The following PARP8 variants were observed in gnomAD, a reference collection of about 807,000 sequenced individuals.
PARP8 encodes poly(ADP-ribose) polymerase family member 8.
Under a neutral mutation model 124.1 loss-of-function variants are expected in PARP8, and 51 were observed. That is an observed-to-expected ratio of 0.41 (90% CI 0.33 to 0.52). The LOEUF (loss-of-function observed/expected upper bound fraction) is 0.52. Ranked by LOEUF, PARP8 falls within the 20% of genes least tolerant of loss-of-function variation. The probability of loss-of-function intolerance (pLI) is 0.21; values close to 1 mark genes in which losing one functional copy is unlikely to be tolerated. For synonymous variants in PARP8, 391 were observed against 361.5 expected, an observed-to-expected ratio of 1.08 and a Z score of -0.93; for missense variants, 860 against 1,018.9, an observed-to-expected ratio of 0.84 and a Z score of 2.12.
In PARP8 at chr5:50,770,505, GC is replaced by G. The variant is rs377743477; in HGVS notation, c.518+7264del. Among the ~76,000 whole-genome samples the G allele has an allele frequency of 3.2e-3, 490 of 151,726 alleles. 1 individual carries two copies. The highest frequency in any genetic ancestry group is 5.1e-3 in the Non-Finnish European group (349 of 67,932). The stretch of plus-strand genomic sequence containing the variant: ...AGATCTGTGAACTACAAATGGTTTT[GC>G]TTTTTAAAAGGGTTGGAGAAAGAAA... On this transcript the variant is annotated intron_variant, in intron 7 of 25. Transcript: ENST00000281631.
intron 2 of PARP8, among the ~76,000 whole-genome samples, chr5:50,739,682 C>T (rs1315268108): frequency 7.0e-6 from 1 of 142,670 alleles, no homozygotes; most frequent in African/African-American, 2.6e-5. Flanking sequence ...GAAGGTTATT[C>T]AGACTTGGAA....
chr5:50,798,587 A>AT (rs1159527422), intron 14 of PARP8, among the ~76,000 whole-genome samples: 2 of 151,544 alleles, frequency 1.3e-5, no homozygotes, highest in African/African-American at 2.4e-5. Context: ...CGCCCGGCTG[A>AT]TTTTTTGTAT....
intron 6 of PARP8, among the ~76,000 whole-genome samples, chr5:50,762,616 G>A (rs570221158): frequency 1.4e-4 from 22 of 152,216 alleles, no homozygotes; most frequent in South Asian, 4.1e-4. Flanking sequence ...AAGAATGCAA[G>A]TAAATTTATT....
Position 50,741,331 on chromosome 5 carries a change from A to G in PARP8, c.147-8820A>G, listed in dbSNP as rs1160631483. 2.0e-5 allele frequency among the ~76,000 whole-genome samples: 3 copies of G among 152,182 alleles called. No individual in the cohort carries two copies. In the East Asian group the frequency reaches 5.8e-4, roughly 29 times the overall value. On this transcript the variant is annotated intron_variant, in intron 2 of 25. Coordinates refer to ENST00000281631, the MANE Select transcript of PARP8 (RefSeq NM_024615.4). ...TATTGTTGTCCTTTTATTTGTAGTC[A>G]TGAGTAAAGAAAAAGAGAGAAGCAC...
intron 7 of PARP8, among the ~76,000 whole-genome samples, chr5:50,774,981 C>T (rs1580298725): frequency 6.6e-6 from 1 of 150,470 alleles, no homozygotes; most frequent in African/African-American, 2.5e-5. Context: ...CAGAGGCGCT[C>T]TTCACATCCC....
At chr5:50,793,687 T>C (rs1289844966) in intron 10 of PARP8, among the ~76,000 whole-genome samples, 1 of 152,204 alleles carries the variant, frequency 6.6e-6, no homozygotes, top group Non-Finnish European at 1.5e-5. Flanking sequence ...GTTTTCTTTT[T>C]ATGTATGATT....
At chr5:50,718,405 C>T (rs1026604432) in intron 2 of PARP8, among the ~76,000 whole-genome samples, 9 of 151,606 alleles carry the variant, frequency 5.9e-5, no homozygotes, top group African/African-American at 2.2e-4. Flanking sequence ...CTTTTAAAAC[C>T]ATGGAGAAAG....
intron 2 of PARP8, among the ~76,000 whole-genome samples, chr5:50,676,589 C>G (rs1262473069): frequency 6.6e-6 from 1 of 152,196 alleles, no homozygotes; most frequent in East Asian, 1.9e-4. Context: ...TCATTATGTC[C>G]TCTTAAATTC....
At chr5:50,778,710 A>G (rs1283189388) in intron 9 of PARP8, 60 bp downstream of exon 9, 38 of 1,065,586 alleles carry the variant, frequency 3.6e-5, no homozygotes, top group Non-Finnish European at 4.5e-5. Context: ...CTATGCCTTA[A>G]GCAAAATGCG....
chr5:50,824,744 A>G (rs989467351), intron 17 of PARP8, among the ~76,000 whole-genome samples, 164 bp from the exon 18 acceptor site: 3 of 152,106 alleles, frequency 2.0e-5, no homozygotes, highest in Admixed American at 6.6e-5. Flanking sequence ...AATTCCCATC[A>G]TCTTGGGAGA....
chr5:50,707,458 C>CT (rs1171688819), intron 2 of PARP8, among the ~76,000 whole-genome samples: 1 of 151,964 alleles, frequency 6.6e-6, no homozygotes, highest in Non-Finnish European at 1.5e-5. Flanking sequence ...AATTCATAAT[C>CT]TTTTTCTCAA....
chr5:50,795,005 C>A lies in PARP8; in HGVS notation c.1016C>A (p.Thr339Asn). The change falls in exon 12 of 26, where the codon ACC (threonine) becomes AAC (asparagine). Residue 339 changes from threonine to asparagine, a missense_variant. By Grantham distance (65) the Thr-to-Asn change is moderately conservative (BLOSUM62 0). Transcript: ENST00000281631. ...DDVCVTKSHRTFGRSLSSDPR... is the reference protein window; with the variant it reads ...DDVCVTKSHRNFGRSLSSDPR... ...GTGTGTGTCACAAAGTCACACAGGACCTTTGGCCGCTCCTTGTCCAGCGAT... is the reference window on the plus strand; with the variant it reads ...GTGTGTGTCACAAAGTCACACAGGAACTTTGGCCGCTCCTTGTCCAGCGAT... 6.2e-7 allele frequency: 1 copy of A among 1,614,214 alleles called. No individual in the cohort carries two copies. Among genetic ancestry groups the A allele is most frequent in the Non-Finnish European group, 8.5e-7 (1 of 1,180,038 alleles).
Position 50,845,308 on chromosome 5 carries a change from A to G in PARP8, c.*3240A>G, listed in dbSNP as rs754030188. ...AAGTTTTGACGAAAAACTCATCTTCATTAAAGAGTCTGGATAACTTCATCA... is the reference window on the plus strand; with the variant it reads ...AAGTTTTGACGAAAAACTCATCTTCGTTAAAGAGTCTGGATAACTTCATCA... On this transcript the variant is annotated 3_prime_UTR_variant, in exon 26 of 26. Transcript: ENST00000281631. The G allele has an allele frequency of 4.6e-5, 7 of 151,738 alleles. No individual in the cohort carries two copies. The highest frequency in any genetic ancestry group is 1.0e-4 in the Non-Finnish European group (7 of 67,778). The allele number at this position is 151,738 out of a possible 1,614,324, so 9.4% of individuals were successfully genotyped here. A position where few individuals can be genotyped will look rare whatever the true frequency, so the allele number is the denominator to read the frequency against.
intron 2 of PARP8, among the ~76,000 whole-genome samples, chr5:50,724,061 G>T (rs949363672): frequency 1.3e-5 from 2 of 151,958 alleles, no homozygotes; most frequent in African/African-American, 4.8e-5. Context: ...GGCTTAAGTG[G>T]TCCACCCTAC....
At chr5:50,669,947 A>G (rs897736585) in intron 2 of PARP8, among the ~76,000 whole-genome samples, 6 of 152,336 alleles carry the variant, frequency 3.9e-5, no homozygotes, top group Admixed American at 1.3e-4. Flanking sequence ...ACAATTGGTT[A>G]AACTGCTGAT....
chr5:50,672,533 G>C (rs1333220737), intron 2 of PARP8, among the ~76,000 whole-genome samples: 2 of 152,184 alleles, frequency 1.3e-5, no homozygotes, highest in Admixed American at 1.3e-4. Flanking sequence ...AAGTTGCCTA[G>C]TCAAGTTATA....
chr5:50,802,757 C>CT lies in PARP8; in HGVS notation c.1575+5527dup, dbSNP rs558236834. On this transcript the variant is annotated intron_variant, in intron 14 of 25. Coordinates refer to ENST00000281631, the MANE Select transcript of PARP8 (RefSeq NM_024615.4). Reference sequence around the variant, plus strand: ...CATCAACATAAATTTATGATTATTGCTTTACGCAGTTGTTTTCCAAACCAG... The same window carrying CT: ...CATCAACATAAATTTATGATTATTGCTTTTACGCAGTTGTTTTCCAAACCAG... 3.1e-3 allele frequency among the ~76,000 whole-genome samples: 477 copies of CT among 152,084 alleles called. 2 individuals are homozygous for CT. The highest frequency in any genetic ancestry group is 0.024 in the Middle Eastern group (7 of 294).
rs549160420 is a variant in PARP8, at chr5:50,704,502, C to T, written c.146+36377C>T. On this transcript the variant is annotated intron_variant, in intron 2 of 25. Transcript: ENST00000281631. Reference sequence around the variant, plus strand: ...CAGTGATAATTTTAACATTTTATTTCTGAAAGTGATTTCTTTACTCTACCC... The same window carrying T: ...CAGTGATAATTTTAACATTTTATTTTTGAAAGTGATTTCTTTACTCTACCC... Among the ~76,000 whole-genome samples, 53 of 152,228 alleles carry T rather than the reference C, an allele frequency of 3.5e-4. 1 individual carries two copies. Among genetic ancestry groups the T allele is most frequent in the Admixed American group, 3.2e-3 (49 of 15,292 alleles).
chr5:50,836,160 C>A (rs1450817597), intron 25 of PARP8, among the ~76,000 whole-genome samples: 1 of 152,042 alleles, frequency 6.6e-6, no homozygotes, highest in Non-Finnish European at 1.5e-5. Context: ...TTGTTCTTAC[C>A]ATAGATATTT....
Sources: allele counts gnomAD v4.1 joint callset (sites outside exome capture counted in the v4.1 genomes callset), GRCh38; gene constraint gnomAD v4.1.1; transcripts MANE v1.5; gene names NCBI Gene and HGNC (gene_info 2026-07-23, HGNC 2026-07-21).